Variants in ST6GALNAC3 observed in about 807,000 individuals in gnomAD.
ST6GALNAC3 encodes the protein ST6 N-acetylgalactosaminide alpha-2,6-sialyltransferase 3, also known as alpha-N-acetylgalactosaminide alpha-2,6-sialyltransferase 3.
Under a neutral mutation model 32.7 loss-of-function variants are expected in ST6GALNAC3, and 25 were observed. The observed-to-expected ratio is 0.76, with a 90% CI of 0.56 to 1.07. The LOEUF (loss-of-function observed/expected upper bound fraction) is 1.07. Ranked by LOEUF, ST6GALNAC3 falls within the 50% of genes least tolerant of loss-of-function variation. The pLI is 0.00. For synonymous variants in ST6GALNAC3, 129 were observed against 133.1 expected, an observed-to-expected ratio of 0.97 and a Z score of 0.21; for missense variants, 355 against 382.4, an observed-to-expected ratio of 0.93 and a Z score of 0.60.
At chr1:76,533,042 G>A (rs1463468487) in intron 3 of ST6GALNAC3, among the ~76,000 whole-genome samples, 2 of 152,108 alleles carry the variant, frequency 1.3e-5, no homozygotes, top group Non-Finnish European at 2.9e-5. Context: ...TTTCCACTGG[G>A]CATAATAACT....
At chr1:76,365,011 A>G (rs1650258180) in intron 2 of ST6GALNAC3, among the ~76,000 whole-genome samples, 2 of 152,276 alleles carry the variant, frequency 1.3e-5, no homozygotes, top group South Asian at 4.1e-4. Context: ...ATATTTAAAA[A>G]ACACCTGCAT....
intron 3 of ST6GALNAC3, among the ~76,000 whole-genome samples, chr1:76,502,609 A>T (rs553241520): frequency 6.6e-6 from 1 of 152,306 alleles, no homozygotes; most frequent in African/African-American, 2.4e-5. Flanking sequence ...CAGCAGTCAG[A>T]TTGGATTAAG....
intron 1 of ST6GALNAC3, among the ~76,000 whole-genome samples, chr1:76,164,090 A>G (rs1344513577): frequency 3.3e-5 from 5 of 152,204 alleles, no homozygotes; most frequent in African/African-American, 1.2e-4. Context: ...CAGATGAAGA[A>G]TCAAAATGTC....
At chr1:76,411,396 A>G (rs1194095325) in intron 2 of ST6GALNAC3, among the ~76,000 whole-genome samples, 1 of 152,142 alleles carries the variant, frequency 6.6e-6, no homozygotes, top group Non-Finnish European at 1.5e-5. Flanking sequence ...TCCATCTAGG[A>G]TAAACATAAA....
At chr1:76,121,722 C>CA (rs1269643939) in intron 1 of ST6GALNAC3, among the ~76,000 whole-genome samples, 64 of 151,708 alleles carry the variant, frequency 4.2e-4, no homozygotes, top group Admixed American at 3.7e-3. Context: ...TCTCAAAAAA[C>CA]AAAAAAAATG....
At position 76,427,202 on chromosome 1, in the gene ST6GALNAC3, C is replaced by T. The variant is rs146937637; in HGVS notation, c.623+14785C>T. ...GGCAAATCTAGTGACTTTCTCAAGTCCCACCTCTTGTAGTGAAACTTCATT... is the reference window on the plus strand; with the variant it reads ...GGCAAATCTAGTGACTTTCTCAAGTTCCACCTCTTGTAGTGAAACTTCATT... On this transcript the variant is annotated intron_variant, in intron 3 of 4. Coordinates refer to ENST00000328299, the MANE Select transcript of ST6GALNAC3 (RefSeq NM_152996.4). 4.5e-3 allele frequency among the ~76,000 whole-genome samples: 682 copies of T among 152,074 alleles called. 4 individuals carry two copies. Among genetic ancestry groups the T allele is most frequent in the Non-Finnish European group, 6.3e-3 (427 of 67,940 alleles).
At chr1:76,329,100 A>T (rs1033103976) in intron 2 of ST6GALNAC3, among the ~76,000 whole-genome samples, 1 of 152,180 alleles carries the variant, frequency 6.6e-6, no homozygotes, top group Non-Finnish European at 1.5e-5. Flanking sequence ...GAGGGCATTC[A>T]TCTCTTCAGT....
At chr1:76,576,436 G>T (rs763008113) in intron 3 of ST6GALNAC3, among the ~76,000 whole-genome samples, 1 of 152,016 alleles carries the variant, frequency 6.6e-6, no homozygotes, top group African/African-American at 2.4e-5. Context: ...TTAATTGTTT[G>T]CTCCCAATCC....
rs1654988060 is a variant in ST6GALNAC3, at chr1:76,208,971, T to C, written c.19-104834T>C. Among the ~76,000 whole-genome samples the C allele has an allele frequency of 2.6e-5, 4 of 152,318 alleles. No homozygotes were observed. The South Asian group carries it at 8.3e-4, about 32-fold the overall frequency. On this transcript the variant is annotated intron_variant, in intron 1 of 4. Transcript: ENST00000328299. ...CCAGTTTATTTGGTCCCCAGAAACC[T>C]TCTAATCTTCATCTTTAATGATAAA...
intron 1 of ST6GALNAC3, among the ~76,000 whole-genome samples, chr1:76,140,550 C>G (rs1650245461): frequency 6.6e-6 from 1 of 151,844 alleles, no homozygotes; most frequent in Non-Finnish European, 1.5e-5. Flanking sequence ...ATTGAAATTG[C>G]CTGTTTACTT....
rs1656818323 is a variant in ST6GALNAC3 at position 76,238,971 on chromosome 1, T to A, written c.19-74834T>A. ...ACCTTTTTTTTTTTTTTTTTTTAAC[T>A]GTTTAAAAGGATAAGGCCCAGTAAG... is the stretch of plus-strand genomic sequence containing the variant. On this transcript the variant is annotated intron_variant, in intron 1 of 4. Coordinates refer to ENST00000328299, the MANE Select transcript of ST6GALNAC3 (RefSeq NM_152996.4). 2.1e-5 allele frequency among the ~76,000 whole-genome samples: 3 copies of A among 142,044 alleles called. No homozygotes were observed. The South Asian group carries it at 6.6e-4, about 31-fold the overall frequency. The allele number at this position is 142,044 out of a possible 152,430, so 93.2% of individuals were successfully genotyped here.
intron 1 of ST6GALNAC3, among the ~76,000 whole-genome samples, chr1:76,228,642 A>G (rs1226352430): frequency 6.6e-6 from 1 of 152,172 alleles, no homozygotes; most frequent in Non-Finnish European, 1.5e-5. Context: ...CAGTCTTACA[A>G]ATTATTTTTT....
intron 2 of ST6GALNAC3, among the ~76,000 whole-genome samples, chr1:76,398,206 A>G (rs577035116): frequency 6.6e-6 from 1 of 152,322 alleles, no homozygotes; most frequent in East Asian, 1.9e-4. Context: ...CTCTGAATTA[A>G]CCAAAATGAG....
intron 3 of ST6GALNAC3, among the ~76,000 whole-genome samples, chr1:76,554,258 TG>T (rs1664792180): frequency 6.6e-6 from 1 of 152,226 alleles, no homozygotes; most frequent in South Asian, 2.1e-4. Context: ...ATTTGCCAAC[TG>T]TCTCCATATT....
chr1:76,521,330 TACACACAC>T (rs964865811), intron 3 of ST6GALNAC3, among the ~76,000 whole-genome samples: 1 of 150,584 alleles, frequency 6.6e-6, no homozygotes, highest in Non-Finnish European at 1.5e-5. Flanking sequence ...TACATGCATA[TACACACAC>T]ACACACAAAC....
intron 1 of ST6GALNAC3, among the ~76,000 whole-genome samples, chr1:76,099,337 C>A (rs1378806390): frequency 2.0e-5 from 3 of 152,082 alleles, no homozygotes; most frequent in Non-Finnish European, 4.4e-5. Flanking sequence ...TGCATTGAAT[C>A]CTTAAAAATT....
chr1:76,285,385 G>GGTGTGTGTGTGTGTGTGTGTGT (rs140357874), intron 1 of ST6GALNAC3, among the ~76,000 whole-genome samples: 89 of 148,468 alleles, frequency 6.0e-4, no homozygotes, highest in East Asian at 5.2e-3. Flanking sequence ...TCGGGAGGAT[G>GGTGTGTGTGTGTGTGTGTGTGT]GTGTGTGTGT....
chr1:76,360,034 A>G (rs1252978570), intron 2 of ST6GALNAC3, among the ~76,000 whole-genome samples: 1 of 152,232 alleles, frequency 6.6e-6, no homozygotes, highest in African/African-American at 2.4e-5. Flanking sequence ...AAAGAAAGAA[A>G]TTGGTAACTA....
chr1:76,514,022 T>TCA (rs1379581310), intron 3 of ST6GALNAC3, among the ~76,000 whole-genome samples: 4 of 152,222 alleles, frequency 2.6e-5, no homozygotes, highest in Non-Finnish European at 5.9e-5. Flanking sequence ...TGCTGTGACT[T>TCA]CACTGAATTC....
Sources: allele counts gnomAD v4.1 joint callset (sites outside exome capture counted in the v4.1 genomes callset), GRCh38; gene constraint gnomAD v4.1.1; transcripts MANE v1.5; gene names NCBI Gene and HGNC (gene_info 2026-07-23, HGNC 2026-07-21).